The following TFPI variants were observed in gnomAD, a reference collection of about 807,000 sequenced individuals.
TFPI encodes tissue factor pathway inhibitor.
In TFPI, 15 loss-of-function variants were observed where a neutral mutation model predicts 34.6. The observed-to-expected ratio is 0.43, with a 90% CI of 0.29 to 0.67. The LOEUF is 0.67. TFPI is among the 30% of genes least tolerant of loss of function. The pLI, the probability that TFPI is intolerant of heterozygous loss-of-function variation, is 0.15. For missense variants in TFPI, 301 were observed against 364.0 expected (o/e 0.83, Z 1.41); for synonymous variants, 105 against 120.1 (o/e 0.87, Z 0.82).
intron 1 of TFPI, among the ~76,000 whole-genome samples, chr2:187,545,800 T>C (rs907392946): frequency 1.3e-5 from 2 of 152,132 alleles, no homozygotes; most frequent in African/African-American, 4.8e-5. Context: ...TGTAATGTTT[T>C]GAGCCAAAGT....
At chr2:187,552,524 A>C (rs1407144859) in intron 1 of TFPI, among the ~76,000 whole-genome samples, 4 of 152,066 alleles carry the variant, frequency 2.6e-5, no homozygotes, top group Non-Finnish European at 4.4e-5. Flanking sequence ...TAGTTGTACA[A>C]TCAACAAGCA....
At chr2:187,468,413 C>T (rs750692616) in intron 6 of TFPI, among the ~76,000 whole-genome samples, 40 of 152,096 alleles carry the variant, frequency 2.6e-4, no homozygotes, top group Non-Finnish European at 5.1e-4. Context: ...AGAGTTACTT[C>T]TCTTGACTAA....
intron 1 of TFPI, among the ~76,000 whole-genome samples, chr2:187,550,060 G>T (rs368913654): frequency 2.0e-5 from 3 of 152,122 alleles, no homozygotes; most frequent in East Asian, 3.9e-4. Flanking sequence ...AGAACCCAGT[G>T]GTCTCGCTGA....
intron 1 of TFPI, among the ~76,000 whole-genome samples, chr2:187,525,732 G>A (rs930455440): frequency 6.6e-6 from 1 of 152,070 alleles, no homozygotes; most frequent in Non-Finnish European, 1.5e-5. Flanking sequence ...GACACATAGA[G>A]GAAAGACTGA....
At position 187,478,943 on chromosome 2, in the gene TFPI, CAGTG is replaced by C. The variant is rs982205564; in HGVS notation, c.628+5177_628+5180del. ...CTTCAAAAAAATCTTGTAATCTAGA[CAGTG>C]AGGCAGAGCAAACACAATATCTAAT... is the stretch of plus-strand genomic sequence containing the variant. On this transcript the variant is annotated intron_variant, in intron 6 of 7. Coordinates refer to ENST00000233156, the MANE Select transcript of TFPI (RefSeq NM_006287.6). 44 of 615,666 alleles carry C rather than the reference CAGTG, an allele frequency of 7.1e-5. No individual in the cohort carries two copies. In the African/African-American group the frequency reaches 7.3e-4, roughly 10 times the overall value. The allele number at this position is 615,666 out of a possible 1,614,324, so 38.1% of individuals were successfully genotyped here. A position where few individuals can be genotyped will look rare whatever the true frequency, so the allele number is the denominator to read the frequency against.
At chr2:187,504,458 G>C (rs190022528) in intron 1 of TFPI, among the ~76,000 whole-genome samples, 3 of 150,448 alleles carry the variant, frequency 2.0e-5, no homozygotes, top group African/African-American at 7.5e-5. Context: ...ACAGAAAAGT[G>C]ACTCTAAGTG....
chr2:187,479,441 T>C (rs534867472), intron 6 of TFPI, among the ~76,000 whole-genome samples: 4 of 150,716 alleles, frequency 2.7e-5, no homozygotes, highest in Non-Finnish European at 4.4e-5. Flanking sequence ...GAGTCATATC[T>C]GAGCTTTCTG....
intron 3 of TFPI, among the ~76,000 whole-genome samples, chr2:187,492,069 T>C (rs1443198324): frequency 6.6e-6 from 1 of 152,182 alleles, no homozygotes; most frequent in Non-Finnish European, 1.5e-5. Flanking sequence ...GTTGAATTGT[T>C]TGAGTTACAT....
At chr2:187,484,360 T>G in intron 5 of TFPI, 144 bp from the exon 6 acceptor site, 1 of 630,714 alleles carries the variant, frequency 1.6e-6, no homozygotes. Context: ...AGTGAATCTT[T>G]AAATATAATT....
At chr2:187,532,122 C>A (rs1303928961) in intron 1 of TFPI, among the ~76,000 whole-genome samples, 3 of 152,108 alleles carry the variant, frequency 2.0e-5, no homozygotes, top group Non-Finnish European at 4.4e-5. Context: ...TATTCAGAAG[C>A]AACCTCTGGT....
Position 187,465,147 on chromosome 2 carries a change from A to T in TFPI, c.*1789T>A, listed in dbSNP as rs1691654470. The T allele has an allele frequency of 6.6e-6, 1 of 152,218 alleles. No homozygotes were observed. Among genetic ancestry groups the T allele is most frequent in the Non-Finnish European group, 1.5e-5 (1 of 68,044 alleles). 9.4% of individuals were successfully genotyped at this position (152,218 alleles called of 1,614,324 possible). A position where few individuals can be genotyped will look rare whatever the true frequency, so the allele number is the denominator to read the frequency against. ...ACCAACTAGTGTGAGTTCTGGGAGC[A>T]TTTTGAAATGGTGGAGGAATGTACT... is the stretch of plus-strand genomic sequence containing the variant. On this transcript the variant is annotated 3_prime_UTR_variant, in exon 8 of 8. Transcript: ENST00000233156.
intron 1 of TFPI, among the ~76,000 whole-genome samples, chr2:187,524,281 T>C (rs944303379): frequency 1.3e-5 from 2 of 152,094 alleles, no homozygotes; most frequent in Admixed American, 1.3e-4. Flanking sequence ...GGTAAAATTC[T>C]TGAATCACAT....
rs1308968905 is a variant in TFPI, at chr2:187,467,987, T to C, written c.629-55A>G. ...CATATGTGATAGTGGATTTCAGGTT[T>C]TCGTATTGTATATTGTTTATAGATT... On this transcript the variant is annotated intron_variant, in intron 6 of 7. Coordinates refer to ENST00000233156, the MANE Select transcript of TFPI (RefSeq NM_006287.6). 5.6e-6 allele frequency: 8 copies of C among 1,439,050 alleles called. No homozygotes were observed. The Admixed American group carries it at 2.0e-4, about 35-fold the overall frequency. The allele number at this position is 1,439,050 out of a possible 1,614,324, so 89.1% of individuals were successfully genotyped here. A position where few individuals can be genotyped will look rare whatever the true frequency, so the allele number is the denominator to read the frequency against.
intron 3 of TFPI, among the ~76,000 whole-genome samples, chr2:187,490,679 TACCTTTTA>T (rs1017281039): frequency 6.6e-6 from 1 of 151,718 alleles, no homozygotes; most frequent in African/African-American, 2.4e-5. Flanking sequence ...TGATAATATC[TACCTTTTA>T]ACTGGCGTGA....
intron 1 of TFPI, among the ~76,000 whole-genome samples, chr2:187,510,264 G>C (rs1308217834): frequency 1.3e-5 from 2 of 152,144 alleles, no homozygotes; most frequent in East Asian, 1.9e-4. Context: ...CCTTAGTTAC[G>C]CACTCTACAA....
chr2:187,487,723 A>G (rs1437383668), intron 4 of TFPI, among the ~76,000 whole-genome samples: 1 of 151,500 alleles, frequency 6.6e-6, no homozygotes, highest in Non-Finnish European at 1.5e-5. Flanking sequence ...TTTTAGCTAA[A>G]AACAATAAAT....
At chr2:187,548,441 G>C (rs1486574283) in intron 1 of TFPI, among the ~76,000 whole-genome samples, 1 of 151,952 alleles carries the variant, frequency 6.6e-6, no homozygotes, top group African/African-American at 2.4e-5. Flanking sequence ...GGTGTGTAAG[G>C]TTCTGAGAGA....
chr2:187,501,709 C>G (rs187165504), intron 2 of TFPI, among the ~76,000 whole-genome samples: 4 of 152,286 alleles, frequency 2.6e-5, no homozygotes, highest in Admixed American at 2.0e-4. Flanking sequence ...AAACTCAGGT[C>G]TGTCTGATTC....
In TFPI at chr2:187,525,842, C is replaced by T. The variant is rs1316140294; in HGVS notation, c.-2-22072G>A. Among the ~76,000 whole-genome samples, 22 of 146,660 alleles carry T rather than the reference C, an allele frequency of 1.5e-4. No individual in the cohort carries two copies. The Admixed American group carries it at 1.5e-3, about 10-fold the overall frequency. On this transcript the variant is annotated intron_variant, in intron 1 of 7. Coordinates refer to ENST00000233156, the MANE Select transcript of TFPI (RefSeq NM_006287.6). ...TCCAGGACCATGAGGAAATAACAAA[C>T]TATTCATTTTTAGCACTTTGTTATG...
Sources: allele counts gnomAD v4.1 joint callset (sites outside exome capture counted in the v4.1 genomes callset), GRCh38; gene constraint gnomAD v4.1.1; transcripts MANE v1.5; gene names NCBI Gene and HGNC (gene_info 2026-07-23, HGNC 2026-07-21).